The following NHP2 variants were observed in gnomAD, a reference collection of about 807,000 sequenced individuals.
NHP2 encodes the protein H/ACA ribonucleoprotein complex subunit 2.
A neutral mutation model predicts 16.7 loss-of-function variants in NHP2; 10 were observed. That is an observed-to-expected ratio of 0.60 (90% confidence interval 0.37 to 1.01). NHP2 has a LOEUF of 1.01. NHP2 is among the 50% of genes least tolerant of loss of function. The pLI, the probability that NHP2 is intolerant of heterozygous loss-of-function variation, is 0.01. For missense variants in NHP2, 184 were observed against 198.3 expected, an observed-to-expected ratio of 0.93 and a Z score of 0.43; for synonymous variants, 87 against 78.9, an observed-to-expected ratio of 1.10 and a Z score of -0.54.
At chr5:178,150,112 T>C in intron 3 of NHP2, 1 of 352,448 alleles carries the variant, frequency 2.8e-6, no homozygotes, top group Non-Finnish European at 5.3e-6. Flanking sequence ...CACCCCCACT[T>C]CCTGTGCCTC....
chr5:178,149,739 C>T lies in NHP2; in HGVS notation c.436G>A (p.Val146Met), dbSNP rs1382630853. The T allele has an allele frequency of 1.2e-6, 2 of 1,614,076 alleles. No homozygotes were observed. Among genetic ancestry groups the T allele is most frequent in the African/African-American group, 2.7e-5 (2 of 75,052 alleles). ...QEAYDECLEE[V>M]QSLPLPL is the part of the protein sequence containing the mutation. ...CATAGGGGTAGGGGCAGGGACTGCA[C>T]CTCCTCCAGGCACTCATCGTAAGCC... The change falls in exon 4 of 4, where the codon GTG becomes ATG. Residue 146 changes from valine to methionine, a missense_variant. Transcript: ENST00000274606.
At chr5:178,152,420 GA>G (rs1756300788) in intron 2 of NHP2, among the ~76,000 whole-genome samples, 1 of 142,972 alleles carries the variant, frequency 7.0e-6, no homozygotes, top group African/African-American at 2.6e-5. Flanking sequence ...GCTCAAATGT[GA>G]CTGCTGAGGG....
At chr5:178,150,189 C>G (rs916826930) in intron 3 of NHP2, 1 of 237,562 alleles carries the variant, frequency 4.2e-6, no homozygotes, top group Non-Finnish European at 8.4e-6. Flanking sequence ...CCCACCTAAC[C>G]GGACTAACAT....
intron 2 of NHP2, among the ~76,000 whole-genome samples, chr5:178,152,384 A>G (rs958284756): frequency 4.1e-5 from 6 of 147,730 alleles, no homozygotes; most frequent in African/African-American, 1.5e-4. Flanking sequence ...CCACCCCCCA[A>G]TTAATCCCTG....
chr5:178,151,099 G>T, intron 2 of NHP2, 106 bp from the exon 3 acceptor site: 1 of 918,952 alleles, frequency 1.1e-6, no homozygotes, highest in Non-Finnish European at 1.8e-6. Flanking sequence ...ATTGTGTTTG[G>T]TGAGCACACT....
chr5:178,153,881 C>T lies in NHP2; in HGVS notation c.-64G>A. 4.6e-6 allele frequency: 7 copies of T among 1,534,936 alleles called. No individual in the cohort carries two copies. The highest frequency in any genetic ancestry group is 6.2e-6 in the Non-Finnish European group (7 of 1,131,804). On this transcript the variant is annotated 5_prime_UTR_variant, in exon 1 of 4. Transcript: ENST00000274606. ...CCACGCGGTCCACAGCTTTAGGCAT[C>T]ACTTCCAGGTCATCAGCTGCGCGAG...
At chr5:178,151,682 T>C (rs1756282178) in intron 2 of NHP2, among the ~76,000 whole-genome samples, 1 of 152,128 alleles carries the variant, frequency 6.6e-6, no homozygotes, top group African/African-American at 2.4e-5. Context: ...TGAGTGTTCC[T>C]CACAGCCTTG....
chr5:178,149,848 G>A lies in NHP2; in HGVS notation c.337-10C>T, dbSNP rs1756218182. The A allele has an allele frequency of 6.2e-7, 1 of 1,612,892 alleles. No individual in the cohort carries two copies. The highest frequency in any genetic ancestry group is 1.7e-5 in the Admixed American group (1 of 59,798). On this transcript the variant is annotated splice_polypyrimidine_tract_variant and intron_variant, in intron 3 of 3. Transcript: ENST00000274606. ...CGGCTGCACCCAGGTCCTACAGAGG[G>A]GAAAGAAGTGCTGTTTGGAAAAAAG...
intron 2 of NHP2, 26 bp from the exon 3 acceptor site, chr5:178,151,019 C>G (rs1248597292): frequency 6.4e-7 from 1 of 1,571,500 alleles, no homozygotes; most frequent in Middle Eastern, 2.1e-4. Context: ...ACACTGTCAT[C>G]TCTGGCTTGC....
chr5:178,152,635 C>T (rs1020476481), intron 2 of NHP2, among the ~76,000 whole-genome samples: 2 of 152,130 alleles, frequency 1.3e-5, no homozygotes, highest in Non-Finnish European at 2.9e-5. Flanking sequence ...TTGATAAATG[C>T]CATTAAGAAA....
chr5:178,150,024 C>T, intron 3 of NHP2, 186 bp from the exon 4 acceptor site: 1 of 583,242 alleles, frequency 1.7e-6, no homozygotes, highest in Non-Finnish European at 3.0e-6. Flanking sequence ...AAGGCATGGT[C>T]CAGCCACACA....
In NHP2 at chr5:178,153,709, G is replaced by A. The variant is rs201390429; in HGVS notation, c.109C>T (p.Pro37Ser). The A allele has an allele frequency of 8.8e-5, 142 of 1,613,912 alleles. No homozygotes were observed. The highest frequency in any genetic ancestry group is 1.1e-4 in the Non-Finnish European group (130 of 1,179,972). ...LLVNQNPIAQ[P>S]LASRRLTRKL... The stretch of plus-strand genomic sequence containing the variant: ...CGCGTGAGGCGGCGAGAAGCCAGGG[G>A]CTGCGCGATGGGGTTCTGGTTGACC... The change falls in exon 1 of 4, where the codon CCC becomes TCC. Residue 37 changes from proline (P) to serine (S), a missense_variant. By Grantham distance (74) the Pro-to-Ser change is moderately conservative (BLOSUM62 -1). Transcript: ENST00000274606.
chr5:178,150,011 T>G, intron 3 of NHP2, 173 bp from the exon 4 acceptor site: 2 of 649,600 alleles, frequency 3.1e-6, no homozygotes, highest in Non-Finnish European at 5.2e-6. Context: ...CAATCAGACT[T>G]TGAAGGCATG....
Position 178,153,564 on chromosome 5 carries a change from C to T in NHP2, c.161-4G>A, listed in dbSNP as rs1415229404. On this transcript the variant is annotated splice_region_variant and splice_polypyrimidine_tract_variant and intron_variant, in intron 1 of 3. Coordinates refer to ENST00000274606, the MANE Select transcript of NHP2 (RefSeq NM_017838.4). ...CGAATCTGCTTCTGCTTCACCGCTG[C>T]AACGACAGAAGAGTCGGTCGGGGGC... is the stretch of plus-strand genomic sequence containing the variant. The T allele has an allele frequency of 6.2e-7, 1 of 1,614,108 alleles. No homozygotes were observed. The highest frequency in any genetic ancestry group is 1.3e-5 in the African/African-American group (1 of 74,954).
chr5:178,153,825 G>A lies in NHP2; in HGVS notation c.-8C>T, dbSNP rs774010351. 20 of 1,603,246 alleles carry A rather than the reference G, an allele frequency of 1.2e-5. No homozygotes were observed. The highest frequency in any genetic ancestry group is 1.6e-5 in the Non-Finnish European group (19 of 1,175,252). ...TGCCTTTATTTTGGTCATCGCAGCG[G>A]CCGCTGAAACCTAGTCCCAGGGAGG... On this transcript the variant is annotated 5_prime_UTR_variant, in exon 1 of 4. Coordinates refer to ENST00000274606, the MANE Select transcript of NHP2 (RefSeq NM_017838.4).
At chr5:178,151,967 T>C (rs1236542304) in intron 2 of NHP2, among the ~76,000 whole-genome samples, 1 of 152,002 alleles carries the variant, frequency 6.6e-6, no homozygotes. Context: ...CCCTCCACTG[T>C]TCACATCTCA....
At chr5:178,153,369 G>A (rs1177489355) in intron 2 of NHP2, 122 bp downstream of exon 2, 1 of 949,006 alleles carries the variant, frequency 1.1e-6, no homozygotes, top group Non-Finnish European at 1.7e-6. Context: ...TTTACCGACT[G>A]CTTGATTGGC....
At chr5:178,152,026 C>T (rs923506053) in intron 2 of NHP2, among the ~76,000 whole-genome samples, 3 of 152,046 alleles carry the variant, frequency 2.0e-5, no homozygotes, top group Non-Finnish European at 2.9e-5. Flanking sequence ...ACCTAGAAGT[C>T]GTCAATACCT....
intron 3 of NHP2, chr5:178,150,150 G>A (rs958030632): frequency 4.4e-5 from 13 of 293,366 alleles, no homozygotes; most frequent in African/African-American, 2.9e-4. Context: ...CGTAAGATAA[G>A]GACAGCTACA....
Sources: allele counts gnomAD v4.1 joint callset (sites outside exome capture counted in the v4.1 genomes callset), GRCh38; gene constraint gnomAD v4.1.1; transcripts MANE v1.5; gene names NCBI Gene and HGNC (gene_info 2026-07-23, HGNC 2026-07-21).